Variants in IL1R1 observed in about 807,000 individuals in gnomAD.
IL1R1 encodes interleukin-1 receptor type 1.
A neutral mutation model predicts 50.2 loss-of-function variants in IL1R1; 22 were observed. The observed-to-expected ratio is 0.44, with a 90% confidence interval of 0.31 to 0.63. IL1R1 has a LOEUF of 0.63. IL1R1 is among the 20% of genes least tolerant of loss of function. The pLI is 0.07. For missense variants in IL1R1, 509 were observed against 676.2 expected (o/e 0.75, Z 2.74); for synonymous variants, 251 against 236.7 (o/e 1.06, Z -0.55).
At chr2:102,172,886 A>T (rs1206135180) in intron 9 of IL1R1, 48 bp downstream of exon 9, 12 of 1,373,658 alleles carry the variant, frequency 8.7e-6, no homozygotes, top group Non-Finnish European at 1.2e-5. Flanking sequence ...CTGTAGTAAG[A>T]TTCCATGACT....
At chr2:102,163,477 T>A (rs1425925193) in intron 3 of IL1R1, among the ~76,000 whole-genome samples, 1 of 152,182 alleles carries the variant, frequency 6.6e-6, no homozygotes, top group Non-Finnish European at 1.5e-5. Context: ...ATCTTTTTTT[T>A]TCCTGCAGTA....
At chr2:102,169,211 C>T (rs1268289893) in intron 7 of IL1R1, among the ~76,000 whole-genome samples, 1 of 152,164 alleles carries the variant, frequency 6.6e-6, no homozygotes, top group East Asian at 1.9e-4. Flanking sequence ...AGTAAGGCTA[C>T]AGGCCCCAAA....
At chr2:102,085,102 G>T (rs1212414372) in intron 1 of IL1R1, among the ~76,000 whole-genome samples, 1 of 152,244 alleles carries the variant, frequency 6.6e-6, no homozygotes, top group South Asian at 2.1e-4. Context: ...TTACTGATTT[G>T]CAGTGGTTTT....
chr2:102,116,717 A>G (rs575980275), intron 1 of IL1R1, among the ~76,000 whole-genome samples: 1 of 152,346 alleles, frequency 6.6e-6, no homozygotes, highest in South Asian at 2.1e-4. Context: ...AAACAGCAAC[A>G]GCAGCAGGAA....
chr2:102,149,753 C>T (rs2104481914), intron 1 of IL1R1, among the ~76,000 whole-genome samples: 1 of 152,220 alleles, frequency 6.6e-6, no homozygotes, highest in South Asian at 2.1e-4. Context: ...TACCTGTGTG[C>T]ATGCTCAGGG....
chr2:102,104,404 A>G (rs1680289188), upstream of IL1R1, among the ~76,000 whole-genome samples: 1 of 152,204 alleles, frequency 6.6e-6, no homozygotes, highest in Non-Finnish European at 1.5e-5. Flanking sequence ...TCCAGGTTCA[A>G]CACAAAGTCA....
At chr2:102,106,567 CA>C (rs1211162024) in intron 1 of IL1R1, among the ~76,000 whole-genome samples, 2 of 152,086 alleles carry the variant, frequency 1.3e-5, no homozygotes, top group African/African-American at 2.4e-5. Flanking sequence ...AACATTTACA[CA>C]AACAGCACAA....
intron 1 of IL1R1, among the ~76,000 whole-genome samples, chr2:102,114,432 C>G (rs1559469670): frequency 1.3e-5 from 2 of 152,142 alleles, no homozygotes; most frequent in Non-Finnish European, 2.9e-5. Context: ...TGATTATTGT[C>G]AACAGTGAAG....
intron 9 of IL1R1, among the ~76,000 whole-genome samples, chr2:102,173,066 G>T (rs1470522670): frequency 1.3e-5 from 2 of 152,162 alleles, no homozygotes; most frequent in African/African-American, 4.8e-5. Flanking sequence ...GGAGGTTAGG[G>T]CCTCTGTATG....
chr2:102,115,130 A>G (rs1680996328), intron 1 of IL1R1, among the ~76,000 whole-genome samples: 1 of 152,216 alleles, frequency 6.6e-6, no homozygotes, highest in South Asian at 2.1e-4. Context: ...TTCTGATGTG[A>G]TGGGAATGCA....
At chr2:102,166,701 C>T (rs537707941) in intron 6 of IL1R1, among the ~76,000 whole-genome samples, 1 of 152,150 alleles carries the variant, frequency 6.6e-6, no homozygotes, top group Non-Finnish European at 1.5e-5. Context: ...AGTCACATTT[C>T]CAGAATCTAC....
At chr2:102,115,863 T>G (rs1313145930) in intron 1 of IL1R1, among the ~76,000 whole-genome samples, 5 of 152,100 alleles carry the variant, frequency 3.3e-5, no homozygotes, top group African/African-American at 4.8e-5. Context: ...AGGAACACAT[T>G]CCAAAAGGTA....
At chr2:102,163,510 CCATT>C (rs1346448760) in intron 3 of IL1R1, among the ~76,000 whole-genome samples, 2 of 152,038 alleles carry the variant, frequency 1.3e-5, no homozygotes, top group Non-Finnish European at 2.9e-5. Flanking sequence ...TGAATCCCAT[CCATT>C]GTTTTTTGTA....
chr2:102,116,162 A>G (rs561921105), intron 1 of IL1R1, among the ~76,000 whole-genome samples: 32 of 152,336 alleles, frequency 2.1e-4, no homozygotes, highest in African/African-American at 7.0e-4. Context: ...ATGTCCCCCA[A>G]TGCATTGCTG....
At chr2:102,087,432 C>T (rs1347969326) in intron 1 of IL1R1, among the ~76,000 whole-genome samples, 2 of 152,228 alleles carry the variant, frequency 1.3e-5, no homozygotes, top group Admixed American at 6.5e-5. Context: ...GGAGTTAATC[C>T]TCTCAAACCC....
chr2:102,073,225 A>G (rs911288649), intron 1 of IL1R1, among the ~76,000 whole-genome samples: 6 of 152,194 alleles, frequency 3.9e-5, no homozygotes, highest in African/African-American at 1.4e-4. Context: ...TCAGGGCATC[A>G]TTCTGGGGAC....
intron 9 of IL1R1, among the ~76,000 whole-genome samples, chr2:102,173,386 A>C (rs1685853650): frequency 6.6e-6 from 1 of 152,242 alleles, no homozygotes; most frequent in African/African-American, 2.4e-5. Context: ...AACATAGGCT[A>C]TTATAATTGC....
At chr2:102,093,609 TC>T (rs1679774437) in intron 1 of IL1R1, among the ~76,000 whole-genome samples, 1 of 152,234 alleles carries the variant, frequency 6.6e-6, no homozygotes, top group African/African-American at 2.4e-5. Context: ...GAGCATTTTT[TC>T]GTGTGCTTAT....
chr2:102,130,711 AT>A (rs1681981362), intron 1 of IL1R1, among the ~76,000 whole-genome samples: 1 of 108,634 alleles, frequency 9.2e-6, no homozygotes, highest in South Asian at 3.3e-4. Context: ...TTAAAAAAGA[AT>A]TTGCAGGGTG....
Sources: allele counts gnomAD v4.1 joint callset (sites outside exome capture counted in the v4.1 genomes callset), GRCh38; gene constraint gnomAD v4.1.1; transcripts MANE v1.5; gene names NCBI Gene and HGNC (gene_info 2026-07-23, HGNC 2026-07-21).